Variants in FEZ1 observed in about 807,000 individuals in gnomAD.
FEZ1 encodes the protein fasciculation and elongation protein zeta 1.
FEZ1 carries 20 observed loss-of-function variants against 49.3 expected under a neutral mutation model. The ratio of observed to expected loss-of-function variants is 0.41; its 90% CI spans 0.29 to 0.59. The LOEUF (loss-of-function observed/expected upper bound fraction) is 0.59, where lower values mean the gene tolerates loss of function less well. FEZ1 is among the 20% of genes least tolerant of loss of function. The probability of loss-of-function intolerance (pLI) is 0.36; values close to 1 mark genes in which losing one functional copy is unlikely to be tolerated. For synonymous variants in FEZ1, 170 were observed against 180.9 expected, an observed-to-expected ratio of 0.94 and a Z score of 0.48; for missense variants, 413 against 476.0, an observed-to-expected ratio of 0.87 and a Z score of 1.23.
chr11:125,471,346 A>G (rs1010627113), intron 3 of FEZ1, among the ~76,000 whole-genome samples: 1 of 152,084 alleles, frequency 6.6e-6, no homozygotes, highest in Non-Finnish European at 1.5e-5. Flanking sequence ...GAATATAAAA[A>G]CAAGATCCAA....
At chr11:125,451,569 G>A (rs993215087) in intron 8 of FEZ1, 5 of 152,140 alleles carry the variant, frequency 3.3e-5, no homozygotes, top group African/African-American at 1.2e-4. Flanking sequence ...TGCAGGGCAC[G>A]GTTGCCAAGG....
intron 6 of FEZ1, among the ~76,000 whole-genome samples, chr11:125,454,751 C>T (rs1299289148): frequency 7.2e-5 from 11 of 152,112 alleles, no homozygotes; most frequent in Non-Finnish European, 1.6e-4. Flanking sequence ...CGCAGTGGCT[C>T]ACACCTGTAA....
chr11:125,488,143 C>T (rs190002205), intron 2 of FEZ1, among the ~76,000 whole-genome samples: 5 of 152,128 alleles, frequency 3.3e-5, no homozygotes, highest in African/African-American at 4.8e-5. Context: ...TCCCAGGGCT[C>T]GGTTATCTGC....
In FEZ1 at chr11:125,457,423, AAAAAAAATATAT is replaced by A. The variant is rs1484753035; in HGVS notation, c.668-1329_668-1318del. Among the ~76,000 whole-genome samples, 39 of 37,594 alleles carry A rather than the reference AAAAAAAATATAT, an allele frequency of 1.0e-3. 1 individual carries two copies. Among genetic ancestry groups the A allele is most frequent in the African/African-American group, 2.8e-3 (30 of 10,678 alleles). 24.7% of individuals were successfully genotyped at this position (37,594 alleles called of 152,430 possible). A position where few individuals can be genotyped will look rare whatever the true frequency, so the allele number is the denominator to read the frequency against. On this transcript the variant is annotated intron_variant, in intron 5 of 9. Coordinates refer to ENST00000278919, the MANE Select transcript of FEZ1 (RefSeq NM_005103.5). The stretch of plus-strand genomic sequence containing the variant: ...TACTTTAAAAAAAAAAAAAAAAAAA[AAAAAAAATATAT>A]ATATATATATATATATGTATATATA...
chr11:125,446,152 G>A (rs368090370), intron 9 of FEZ1, 41 bp from the exon 10 acceptor site: 5 of 1,611,058 alleles, frequency 3.1e-6, no homozygotes, highest in Non-Finnish European at 3.4e-6. Flanking sequence ...TCAGAACACA[G>A]TTGCAGGTGG....
intron 4 of FEZ1, among the ~76,000 whole-genome samples, chr11:125,461,052 A>G (rs1469311346): frequency 6.6e-6 from 1 of 152,256 alleles, no homozygotes; most frequent in East Asian, 1.9e-4. Context: ...ATTAATTGAC[A>G]TAATACACGT....
chr11:125,488,689 C>CAAAAA, intron 2 of FEZ1: 1 of 970,882 alleles, frequency 1.0e-6, no homozygotes, highest in Non-Finnish European at 1.2e-6. Context: ...CAAAAAAAAA[C>CAAAAA]AAAACAAAAC....
chr11:125,467,807 C>T (rs1019849840), intron 3 of FEZ1, among the ~76,000 whole-genome samples: 1 of 152,178 alleles, frequency 6.6e-6, no homozygotes, highest in African/African-American at 2.4e-5. Flanking sequence ...TGCCACTGTA[C>T]TCTAGCCTGG....
chr11:125,454,065 G>T, intron 7 of FEZ1, 65 bp downstream of exon 7: 1 of 1,107,706 alleles, frequency 9.0e-7, no homozygotes, highest in Non-Finnish European at 1.3e-6. Context: ...GTCCCCCTGC[G>T]TTGCTGGGGA....
intron 1 of FEZ1, among the ~76,000 whole-genome samples, chr11:125,491,921 G>T (rs1170184193): frequency 6.6e-6 from 1 of 152,238 alleles, no homozygotes; most frequent in East Asian, 1.9e-4. Flanking sequence ...GGCTGGCTGA[G>T]TGACAAGCAT....
At chr11:125,460,428 G>A (rs1042404919) in intron 5 of FEZ1, 70 bp downstream of exon 5, 8 of 1,425,510 alleles carry the variant, frequency 5.6e-6, no homozygotes, top group Admixed American at 3.8e-5. Context: ...CATGTACAAA[G>A]CACACAGCCC....
intron 9 of FEZ1, among the ~76,000 whole-genome samples, chr11:125,446,867 G>T (rs984279694): frequency 6.6e-6 from 1 of 151,806 alleles, no homozygotes; most frequent in African/African-American, 2.4e-5. Flanking sequence ...TTGAGACGCG[G>T]TCTCACCATG....
At chr11:125,472,778 C>T (rs570958993) in intron 3 of FEZ1, among the ~76,000 whole-genome samples, 4 of 151,868 alleles carry the variant, frequency 2.6e-5, no homozygotes, top group Non-Finnish European at 2.9e-5. Context: ...AATAAAATAT[C>T]GGCAAATCAA....
At chr11:125,469,139 T>A (rs1457132378) in intron 3 of FEZ1, 1 of 152,244 alleles carries the variant, frequency 6.6e-6, no homozygotes, top group Non-Finnish European at 1.5e-5. Flanking sequence ...AGAACACCTC[T>A]CTATGGATGC....
chr11:125,482,112 A>G (rs1957286215), intron 2 of FEZ1, among the ~76,000 whole-genome samples: 1 of 152,196 alleles, frequency 6.6e-6, no homozygotes, highest in Admixed American at 6.5e-5. Flanking sequence ...TCTCATTAAG[A>G]TCAGAATCAT....
chr11:125,470,714 G>T lies in FEZ1; in HGVS notation c.412-7144C>A, dbSNP rs1957176187. On this transcript the variant is annotated intron_variant, in intron 3 of 9. Transcript: ENST00000278919. ...TGTCACCTGTGGCTCTACACCAAAA[G>T]AAATGCTATAAAAAGCATTTTGGGT... 1.3e-5 allele frequency among the ~76,000 whole-genome samples: 2 copies of T among 152,070 alleles called. 1 individual carries two copies. The highest frequency in any genetic ancestry group is 4.1e-4 in the South Asian group (2 of 4,820).
At chr11:125,493,895 C>G (rs907143816) in intron 1 of FEZ1, among the ~76,000 whole-genome samples, 1 of 152,142 alleles carries the variant, frequency 6.6e-6, no homozygotes, top group Non-Finnish European at 1.5e-5. Context: ...CAACAAGAGG[C>G]CAATCCAACC....
chr11:125,481,415 G>A, intron 3 of FEZ1, 119 bp downstream of exon 3: 2 of 771,066 alleles, frequency 2.6e-6, no homozygotes, highest in South Asian at 2.8e-5. Context: ...TCCCAAAGCT[G>A]AGATTACAGG....
intron 5 of FEZ1, among the ~76,000 whole-genome samples, chr11:125,457,519 T>TGTGTATATATAC (rs1388609932): frequency 1.4e-5 from 2 of 142,238 alleles, no homozygotes; most frequent in Non-Finnish European, 3.0e-5. Flanking sequence ...TACACATATA[T>TGTGTATATATAC]ATAATTTGAA....
Sources: allele counts gnomAD v4.1 joint callset (sites outside exome capture counted in the v4.1 genomes callset), GRCh38; gene constraint gnomAD v4.1.1; transcripts MANE v1.5; gene names NCBI Gene and HGNC (gene_info 2026-07-23, HGNC 2026-07-21).